The following TTC28 variants were observed in gnomAD, a reference collection of about 807,000 sequenced individuals.
TTC28 encodes tetratricopeptide repeat protein 28.
Under a neutral mutation model 198.0 loss-of-function variants are expected in TTC28, and 61 were observed. The ratio of observed to expected loss-of-function variants is 0.31; its 90% CI spans 0.25 to 0.38. TTC28 has a LOEUF of 0.38. Ranked by LOEUF, TTC28 falls within the 10% of genes least tolerant of loss-of-function variation. The pLI is 1.00. For missense variants in TTC28, 2,678 were observed against 3,164.0 expected (o/e 0.85, Z 3.69); for synonymous variants, 1,171 against 1,297.8 (o/e 0.90, Z 2.10).
At chr22:28,341,647 C>T (rs144993823) in intron 2 of TTC28, among the ~76,000 whole-genome samples, 1,744 of 151,826 alleles carry the variant, frequency 0.011, 29 homozygotes, top group African/African-American at 0.04. Context: ...CAAAAATTAG[C>T]GGGGCGTGGT....
Position 28,107,468 on chromosome 22 carries a change from C to T in TTC28, c.2377G>A (p.Glu793Lys). Reference sequence around the variant, plus strand: ...GCCAGGTGCCCATGAGCTCTGCACTCCCCTGGCAAGTCACTCAGCTCCTGA... The same window carrying T: ...GCCAGGTGCCCATGAGCTCTGCACTTCCCTGGCAAGTCACTCAGCTCCTGA... ...VYQELSDLPG[E>K]CRAHGHLAAV... The change falls in exon 7 of 23, where the codon GAG becomes AAG. Residue 793 changes from glutamate (E) to lysine (K), a missense_variant. Coordinates refer to ENST00000397906, the MANE Select transcript of TTC28 (RefSeq NM_001145418.2). The T allele has an allele frequency of 6.4e-7, 1 of 1,551,718 alleles. No homozygotes were observed. The highest frequency in any genetic ancestry group is 8.7e-7 in the Non-Finnish European group (1 of 1,147,000).
At chr22:28,002,725 C>G (rs1480606821) in intron 14 of TTC28, 1 of 152,138 alleles carries the variant, frequency 6.6e-6, no homozygotes, top group Non-Finnish European at 1.5e-5. Flanking sequence ...ATGGGCCAGG[C>G]ACCAGTGGCT....
intron 2 of TTC28, among the ~76,000 whole-genome samples, chr22:28,402,057 A>T (rs187827416): frequency 1.3e-5 from 2 of 152,334 alleles, no homozygotes; most frequent in Non-Finnish European, 2.9e-5. Context: ...ATTACACTTA[A>T]ATATGTACTC....
chr22:28,445,962 T>TACCA (rs1370910508), intron 2 of TTC28, among the ~76,000 whole-genome samples: 3 of 151,978 alleles, frequency 2.0e-5, no homozygotes, highest in South Asian at 2.1e-4. Flanking sequence ...ACTGTTATAA[T>TACCA]ACCAACACCC....
intron 2 of TTC28, among the ~76,000 whole-genome samples, chr22:28,488,947 T>C (rs1464779171): frequency 6.6e-6 from 1 of 152,146 alleles, no homozygotes; most frequent in African/African-American, 2.4e-5. Flanking sequence ...TCCAAGTGTA[T>C]TGCTTTTCCC....
chr22:28,480,955 A>T lies in TTC28; in HGVS notation c.381+148597T>A, dbSNP rs541657348. Among the ~76,000 whole-genome samples, 226 of 152,266 alleles carry T rather than the reference A, an allele frequency of 1.5e-3. 1 individual carries two copies. Among genetic ancestry groups the T allele is most frequent in the Non-Finnish European group, 2.9e-3 (198 of 68,000 alleles). On this transcript the variant is annotated intron_variant, in intron 2 of 22. Transcript: ENST00000397906. ...TAGGTTGATCATCCTCATTTTATAA[A>T]TGAATAAACTGATGATTATCAAGGT... is the stretch of plus-strand genomic sequence containing the variant.
chr22:28,281,620 GTTTC>G (rs1382510763), intron 5 of TTC28, among the ~76,000 whole-genome samples: 5 of 152,004 alleles, frequency 3.3e-5, no homozygotes, highest in African/African-American at 9.7e-5. Context: ...ATATTTTCCT[GTTTC>G]TTCATATGTC....
chr22:28,537,307 A>ACTAAACTAAAC, intron 2 of TTC28, among the ~76,000 whole-genome samples: 1 of 137,240 alleles, frequency 7.3e-6, no homozygotes, highest in South Asian at 2.2e-4. Context: ...ATAAAATAAA[A>ACTAAACTAAAC]TAAAATAAAA....
At chr22:28,218,355 G>A (rs768177297) in intron 5 of TTC28, among the ~76,000 whole-genome samples, 3 of 152,050 alleles carry the variant, frequency 2.0e-5, no homozygotes. Flanking sequence ...GAAAATAAGT[G>A]TTGGGAAGTT....
intron 2 of TTC28, among the ~76,000 whole-genome samples, chr22:28,424,194 A>C (rs1282451051): frequency 1.3e-5 from 2 of 152,218 alleles, no homozygotes; most frequent in African/African-American, 4.8e-5. Context: ...GGCTCTTAAT[A>C]ATTACTTGCC....
At chr22:28,325,558 C>T (rs1241208973) in intron 2 of TTC28, among the ~76,000 whole-genome samples, 2 of 152,106 alleles carry the variant, frequency 1.3e-5, no homozygotes, top group Non-Finnish European at 2.9e-5. Context: ...AGTCAAGCTA[C>T]TTTTCTAGAA....
intron 2 of TTC28, among the ~76,000 whole-genome samples, chr22:28,574,644 G>A (rs894138986): frequency 6.6e-6 from 1 of 152,010 alleles, no homozygotes; most frequent in Non-Finnish European, 1.5e-5. Flanking sequence ...TCCCACAAAC[G>A]GTGTATGCGA....
chr22:28,475,363 T>C (rs958886273), intron 2 of TTC28, among the ~76,000 whole-genome samples: 1 of 152,092 alleles, frequency 6.6e-6, no homozygotes, highest in African/African-American at 2.4e-5. Context: ...TGGGACCATT[T>C]TGACACACCA....
intron 20 of TTC28, 47 bp downstream of exon 20, chr22:27,990,742 G>A (rs764079780): frequency 2.9e-5 from 43 of 1,497,112 alleles, no homozygotes; most frequent in Non-Finnish European, 3.8e-5. Flanking sequence ...GGGTGGGTGG[G>A]TTGAGGGGCT....
At position 28,094,126 on chromosome 22, in the gene TTC28, T is replaced by A; in HGVS notation, c.3886A>T (p.Ile1296Phe). Reference sequence around the variant, plus strand: ...CCCAGGGCCTCCCGGACACTGGCAATGTGCTGCTCCAGGGCTGAGCCGGTT... The same window carrying A: ...CCCAGGGCCTCCCGGACACTGGCAAAGTGCTGCTCCAGGGCTGAGCCGGTT... ...TATGSALEQH[I>F]ASVREALGVE... The change falls in exon 12 of 23, where the codon ATT (isoleucine) becomes TTT (phenylalanine). Residue 1296 changes from isoleucine to phenylalanine, a missense_variant. By Grantham distance (21) the Ile-to-Phe change is conservative. Transcript: ENST00000397906. The A allele has an allele frequency of 6.4e-7, 1 of 1,551,356 alleles. No individual in the cohort carries two copies. Among genetic ancestry groups the A allele is most frequent in the Non-Finnish European group, 8.7e-7 (1 of 1,146,850 alleles).
intron 2 of TTC28, among the ~76,000 whole-genome samples, chr22:28,493,335 G>A (rs887092271): frequency 2.0e-5 from 3 of 152,066 alleles, no homozygotes; most frequent in African/African-American, 7.2e-5. Context: ...CAGCCTGGGC[G>A]ACAGAGCGAG....
chr22:27,984,859 T>TTC (rs1937156426), intron 22 of TTC28, among the ~76,000 whole-genome samples: 2 of 152,202 alleles, frequency 1.3e-5, no homozygotes, highest in Admixed American at 6.5e-5. Flanking sequence ...GCTTGGCCCT[T>TTC]AAGAACATCA....
chr22:28,471,547 T>C (rs922634928), intron 2 of TTC28, among the ~76,000 whole-genome samples: 7 of 152,080 alleles, frequency 4.6e-5, no homozygotes, highest in Non-Finnish European at 1.0e-4. Flanking sequence ...AAAGTATCAT[T>C]TATCACTTGG....
rs199565183 is a variant in TTC28 at position 28,243,037 on chromosome 22, T to TA, written c.933+53160dup. 8.5e-3 allele frequency among the ~76,000 whole-genome samples: 1,131 copies of TA among 132,406 alleles called. 3 individuals are homozygous for TA. Among genetic ancestry groups the TA allele is most frequent in the East Asian group, 0.019 (85 of 4,550 alleles). 86.9% of individuals were successfully genotyped at this position (132,406 alleles called of 152,430 possible). A position where few individuals can be genotyped will look rare whatever the true frequency, so the allele number is the denominator to read the frequency against. ...ATTTTAATCTATTTAATCTAATAAT[T>TA]AAAAAAAAAAAAAAACTGGGCCAGG... On this transcript the variant is annotated intron_variant, in intron 5 of 22. Coordinates refer to ENST00000397906, the MANE Select transcript of TTC28 (RefSeq NM_001145418.2).
Sources: allele counts gnomAD v4.1 joint callset (sites outside exome capture counted in the v4.1 genomes callset), GRCh38; gene constraint gnomAD v4.1.1; transcripts MANE v1.5; gene names NCBI Gene and HGNC (gene_info 2026-07-23, HGNC 2026-07-21).